LRRC43: variants seen among roughly 807,000 people sequenced by gnomAD.
The protein encoded by LRRC43 is leucine-rich repeat-containing protein 43.
LRRC43 carries 62 observed loss-of-function variants against 64.3 expected under a neutral mutation model. The observed-to-expected ratio is 0.96, with a 90% CI of 0.79 to 1.19. The LOEUF is 1.19. LRRC43 is among the 50% of genes most tolerant of loss of function. The pLI is 0.00. For missense variants in LRRC43, 868 were observed against 845.0 expected (o/e 1.03, Z -0.34); for synonymous variants, 422 against 382.3 (o/e 1.10, Z -1.21).
chr12:122,192,378 C>T (rs142666122), intron 6 of LRRC43, among the ~76,000 whole-genome samples: 166 of 151,038 alleles, frequency 1.1e-3, no homozygotes, highest in Middle Eastern at 0.01. Context: ...CCTCGTGATC[C>T]GCCTGCCTCG....
At chr12:122,183,007 A>C, upstream of LRRC43, 11 of 1,338,064 alleles carry the variant, frequency 8.2e-6, no homozygotes, top group South Asian at 3.1e-5. Flanking sequence ...TGAGGGCAGA[A>C]GAGAAAACGC....
intron 1 of LRRC43, chr12:122,172,357 G>T: frequency 7.9e-7 from 1 of 1,266,070 alleles, no homozygotes; most frequent in Non-Finnish European, 1.1e-6. Flanking sequence ...CTTAGCTGTC[G>T]GTCATCTTTT....
At position 122,184,862 on chromosome 12, in the gene LRRC43, C is replaced by A; in HGVS notation, c.411+83C>A. On this transcript the variant is annotated intron_variant, in intron 2 of 11. Coordinates refer to ENST00000339777, the MANE Select transcript of LRRC43 (RefSeq NM_001098519.2). The surrounding 1 kb of genome is among the most constrained non-coding windows in gnomAD (Gnocchi z 4.0). The stretch of plus-strand genomic sequence containing the variant: ...GTGGGGAGGGCACCCTTCCCCACAG[C>A]GCGTCAGGGATCCTGCTTTCAGGGC... 4 of 1,439,184 alleles carry A rather than the reference C, an allele frequency of 2.8e-6. No individual in the cohort carries two copies. The highest frequency in any genetic ancestry group is 2.5e-5 in the East Asian group (1 of 40,138). The allele number at this position is 1,439,184 out of a possible 1,614,324, so 89.2% of individuals were successfully genotyped here. A position where few individuals can be genotyped will look rare whatever the true frequency, so the allele number is the denominator to read the frequency against.
chr12:122,189,264 C>T (rs1953684598), intron 4 of LRRC43: 2 of 357,906 alleles, frequency 5.6e-6, no homozygotes, highest in South Asian at 4.2e-5. Flanking sequence ...GAACCACCTC[C>T]CCTCTCTCCT....
rs1460142626 is a variant in LRRC43 at position 122,184,140 on chromosome 12, C to A, written c.151-379C>A. Among the ~76,000 whole-genome samples, 2 of 150,282 alleles carry A rather than the reference C, an allele frequency of 1.3e-5. No individual in the cohort carries two copies. The highest frequency in any genetic ancestry group is 4.9e-5 in the African/African-American group (2 of 40,876). The stretch of plus-strand genomic sequence containing the variant: ...GACGGAGTCTCGCTCTGTCACCCAG[C>A]CTGGAGTGCAGTGGCGTGATCTCGG... On this transcript the variant is annotated intron_variant, in intron 1 of 11. Transcript: ENST00000339777. The surrounding 1 kb of genome is among the most constrained non-coding windows in gnomAD (Gnocchi z 4.0).
intron 3 of LRRC43, 22 bp from the exon 4 acceptor site, chr12:122,187,679 G>T (rs1953661377): frequency 6.2e-7 from 1 of 1,611,388 alleles, no homozygotes; most frequent in Non-Finnish European, 8.5e-7. Flanking sequence ...CATCGTCCCG[G>T]GCCTTCCGTG....
chr12:122,177,199 C>T (rs553708055), intron 1 of LRRC43, among the ~76,000 whole-genome samples: 74 of 152,204 alleles, frequency 4.9e-4, no homozygotes, highest in African/African-American at 1.7e-3. Flanking sequence ...CTCCCCAATG[C>T]AATCCCATGA....
chr12:122,193,687 A>G (rs1187539403), intron 7 of LRRC43, among the ~76,000 whole-genome samples: 2 of 152,040 alleles, frequency 1.3e-5, no homozygotes, highest in East Asian at 3.9e-4. Context: ...GCCTCAGCCT[A>G]CAGTTGGGAC....
intron 1 of LRRC43, chr12:122,172,848 T>C: frequency 1.2e-6 from 1 of 854,820 alleles, no homozygotes; most frequent in Non-Finnish European, 1.8e-6. Context: ...TTGATATATT[T>C]ATCTGATCAA....
chr12:122,191,443 C>A lies in LRRC43; in HGVS notation c.965C>A (p.Thr322Asn), dbSNP rs1035421669. 1 of 1,614,108 alleles carries A rather than the reference C, an allele frequency of 6.2e-7. No individual in the cohort carries two copies. Residue 322 changes from threonine to asparagine, a missense_variant, in exon 6 of 12, where the codon ACC (threonine) becomes AAC (asparagine). Thr to Asn is a moderately conservative substitution (Grantham distance 65). Coordinates refer to ENST00000339777, the MANE Select transcript of LRRC43 (RefSeq NM_001098519.2). ...GGAAACATCAGAGGAGTCCTGGACA[C>A]CTCTGTCTTAGACCCGGAACCCAGG... ...TIGNIRGVLDTSVLDPEPRPE... is the reference protein window; with the variant it reads ...TIGNIRGVLDNSVLDPEPRPE...
At chr12:122,178,567 G>A (rs996312835), upstream of LRRC43, among the ~76,000 whole-genome samples, 2 of 146,452 alleles carry the variant, frequency 1.4e-5, no homozygotes, top group African/African-American at 2.5e-5. Flanking sequence ...GGAAAAATAC[G>A]TAAGAGGTGG....
At chr12:122,190,543 C>T (rs910693718) in intron 5 of LRRC43, among the ~76,000 whole-genome samples, 175 bp downstream of exon 5, 2 of 152,120 alleles carry the variant, frequency 1.3e-5, no homozygotes, top group Non-Finnish European at 2.9e-5. Flanking sequence ...GGCTTTGATT[C>T]CTGTGATTGG....
intron 4 of LRRC43, among the ~76,000 whole-genome samples, chr12:122,189,002 C>G (rs1311309879): frequency 6.6e-6 from 1 of 152,200 alleles, no homozygotes; most frequent in Non-Finnish European, 1.5e-5. Flanking sequence ...AGCCCTAGCG[C>G]CAGCCGCTCC....
intron 4 of LRRC43, among the ~76,000 whole-genome samples, chr12:122,188,869 A>C (rs189862627): frequency 1.3e-5 from 2 of 152,318 alleles, no homozygotes; most frequent in African/African-American, 4.8e-5. Flanking sequence ...GCACCCGCAG[A>C]TGCCAGGAGC....
At chr12:122,175,466 T>C (rs1953529570) in intron 1 of LRRC43, among the ~76,000 whole-genome samples, 1 of 151,924 alleles carries the variant, frequency 6.6e-6, no homozygotes, top group African/African-American at 2.4e-5. Context: ...CACTCTGGCC[T>C]TAGAAACTAT....
At chr12:122,183,040 T>A, upstream of LRRC43, 4 of 1,436,372 alleles carry the variant, frequency 2.8e-6, no homozygotes, top group Non-Finnish European at 3.6e-6. Flanking sequence ...CCAGGCTGTC[T>A]GATCCGGATG....
chr12:122,186,433 A>C (rs769976410), intron 3 of LRRC43, 133 bp downstream of exon 3: 29 of 618,286 alleles, frequency 4.7e-5, no homozygotes, highest in Middle Eastern at 3.6e-4. Flanking sequence ...AATGTAGGTC[A>C]CTTTCCTAGA....
At chr12:122,202,628 C>T (rs1349593207) in intron 11 of LRRC43, among the ~76,000 whole-genome samples, 1 of 152,112 alleles carries the variant, frequency 6.6e-6, no homozygotes, top group Admixed American at 6.6e-5. Context: ...CCAAAGATCA[C>T]GTTCTTTACT....
intron 5 of LRRC43, 104 bp downstream of exon 5, chr12:122,190,472 C>A: frequency 1.2e-6 from 1 of 828,336 alleles, no homozygotes; most frequent in Non-Finnish European, 1.9e-6. Context: ...TCCTGCAACT[C>A]CCCATTTGAC....
Sources: gnomAD v4.1 joint callset for allele counts (sites outside exome capture counted in the v4.1 genomes callset) on GRCh38, gnomAD v4.1.1 for gene constraint, Gnocchi (gnomAD v3.1) non-coding constraint, MANE v1.5 for transcripts, NCBI Gene and HGNC (gene_info 2026-07-23, HGNC 2026-07-21) for gene names.